The following PLPP7 variants were observed in gnomAD, a reference collection of about 807,000 sequenced individuals.
PLPP7 encodes inactive phospholipid phosphatase 7.
Under a neutral mutation model 16.9 loss-of-function variants are expected in PLPP7, and 11 were observed. The ratio of observed to expected loss-of-function variants is 0.65; its 90% CI spans 0.41 to 1.08. The LOEUF (loss-of-function observed/expected upper bound fraction) is 1.08. PLPP7 is among the 50% of genes least tolerant of loss of function. The pLI is 0.00. For synonymous variants in PLPP7, 174 were observed against 175.1 expected (o/e 0.99, Z 0.05); for missense variants, 358 against 397.1 (o/e 0.90, Z 0.84).
Position 131,308,051 on chromosome 9 carries a change from G to T in PLPP7, c.580G>T (p.Ala194Ser). The T allele has an allele frequency of 6.2e-7, 1 of 1,601,036 alleles. No homozygotes were observed. The highest frequency in any genetic ancestry group is 8.5e-7 in the Non-Finnish European group (1 of 1,179,834). ...CATCTACGCCTTCCCGGCCGGGCAC[G>T]CCAGCCGCGCCGCCATGGTGTCCAA... ...MDIYAFPAGH[A>S]SRAAMVSKFF... Residue 194 changes from alanine to serine, a missense_variant, in exon 2 of 2, where the codon GCC becomes TCC. Ala to Ser is a moderately conservative substitution (Grantham distance 99). Coordinates refer to ENST00000372264, the MANE Select transcript of PLPP7 (RefSeq NM_032728.4).
chr9:131,292,035 CAG>C (rs1277770501), intron 1 of PLPP7, among the ~76,000 whole-genome samples: 1 of 152,238 alleles, frequency 6.6e-6, no homozygotes, highest in Non-Finnish European at 1.5e-5. Flanking sequence ...GGCCCAGCCT[CAG>C]GGCTTGAGAT....
intron 1 of PLPP7, chr9:131,291,160 G>T: frequency 7.3e-7 from 1 of 1,366,422 alleles, no homozygotes. Flanking sequence ...GTGGAGGCAA[G>T]CCATTCCCTC....
rs927712913 is a variant in PLPP7 at position 131,289,900 on chromosome 9, G to A, written c.-98G>A. The A allele has an allele frequency of 3.0e-6, 3 of 1,002,684 alleles. No individual in the cohort carries two copies. The highest frequency in any genetic ancestry group is 3.4e-5 in the African/African-American group (2 of 59,636). 62.1% of individuals were successfully genotyped at this position (1,002,684 alleles called of 1,614,324 possible). A position where few individuals can be genotyped will look rare whatever the true frequency, so the allele number is the denominator to read the frequency against. ...CAGCTGCGGCGGAGAAGGCAGGGAG[G>A]CAGCCACGGTGGCGGCTCTGGGGGC... On this transcript the variant is annotated 5_prime_UTR_variant, in exon 1 of 2. Transcript: ENST00000372264.
At chr9:131,297,229 A>G (rs1209195671) in intron 1 of PLPP7, among the ~76,000 whole-genome samples, 1 of 152,244 alleles carries the variant, frequency 6.6e-6, no homozygotes, top group Non-Finnish European at 1.5e-5. Context: ...CCACCAGCAC[A>G]GCTAGTGATT....
chr9:131,305,186 G>A (rs1383235417), intron 1 of PLPP7, among the ~76,000 whole-genome samples: 1 of 152,188 alleles, frequency 6.6e-6, no homozygotes, highest in Non-Finnish European at 1.5e-5. Context: ...TTGCACACAC[G>A]TGCATAGCAG....
intron 1 of PLPP7, among the ~76,000 whole-genome samples, chr9:131,294,293 GGTT>G (rs1371466509): frequency 6.6e-6 from 1 of 152,180 alleles, no homozygotes; most frequent in Non-Finnish European, 1.5e-5. Flanking sequence ...CTGTCAGGTG[GGTT>G]GTTGGGAAAT....
intron 1 of PLPP7, among the ~76,000 whole-genome samples, chr9:131,305,840 G>T (rs1835846210): frequency 1.3e-5 from 2 of 152,046 alleles, no homozygotes; most frequent in African/African-American, 2.4e-5. Flanking sequence ...TGTTGCCCAG[G>T]CTAGTCTCGG....
chr9:131,298,123 C>G (rs558206063), intron 1 of PLPP7, among the ~76,000 whole-genome samples: 1 of 152,088 alleles, frequency 6.6e-6, no homozygotes. Context: ...GTGAACATCC[C>G]GGGCCATGAA....
At chr9:131,294,848 G>A (rs946139374) in intron 1 of PLPP7, among the ~76,000 whole-genome samples, 2 of 151,672 alleles carry the variant, frequency 1.3e-5, no homozygotes, top group South Asian at 4.2e-4. Flanking sequence ...CACCCACCTC[G>A]GCCTCCCAAA....
Position 131,308,743 on chromosome 9 carries a change from CA to C in PLPP7, c.*457del, listed in dbSNP as rs1246124577. 2.4e-5 allele frequency: 4 copies of C among 164,562 alleles called. No homozygotes were observed. Among genetic ancestry groups the C allele is most frequent in the African/African-American group, 9.6e-5 (4 of 41,738 alleles). 10.2% of individuals were successfully genotyped at this position (164,562 alleles called of 1,614,324 possible). ...TGCCATTGCCATTAGCGGTCATCGA[CA>C]GCTTAGGGCAGCACTTTCCAACGGG... On this transcript the variant is annotated 3_prime_UTR_variant, in exon 2 of 2. Coordinates refer to ENST00000372264, the MANE Select transcript of PLPP7 (RefSeq NM_032728.4).
chr9:131,301,813 CTTTTTTTTTTT>C (rs59151233), intron 1 of PLPP7, among the ~76,000 whole-genome samples: 1 of 114,764 alleles, frequency 8.7e-6, no homozygotes. Flanking sequence ...GGAACTTGTT[CTTTTTTTTTTT>C]TTTTTTTTTT....
At chr9:131,307,864 A>G (rs1440575793) in intron 1 of PLPP7, 59 bp from the exon 2 acceptor site, 2 of 1,486,838 alleles carry the variant, frequency 1.3e-6, no homozygotes, top group Admixed American at 2.3e-5. Flanking sequence ...GTGGGGGGCC[A>G]GGGCCTGGGC....
chr9:131,299,191 C>T (rs185480730), intron 1 of PLPP7, among the ~76,000 whole-genome samples: 58 of 133,004 alleles, frequency 4.4e-4, no homozygotes, highest in South Asian at 5.3e-4. Context: ...AGCCTGAGTG[C>T]GCCCTGGGTG....
rs571463117 is a variant in PLPP7, at chr9:131,290,576, G to T, written c.451+128G>T. ...GGCTGGGATGGTCTAATGAGGTTAG[G>T]CAGGAAGGGTGCCCCAGAAACAGGC... On this transcript the variant is annotated intron_variant, in intron 1 of 1. Coordinates refer to ENST00000372264, the MANE Select transcript of PLPP7 (RefSeq NM_032728.4). The surrounding 1 kb of genome is among the most constrained non-coding windows in gnomAD (Gnocchi z 4.2). The T allele has an allele frequency of 9.9e-4, 881 of 887,438 alleles. 1 individual carries two copies. The highest frequency in any genetic ancestry group is 9.1e-4 in the Non-Finnish European group (567 of 624,800). 55.0% of individuals were successfully genotyped at this position (887,438 alleles called of 1,614,324 possible). A position where few individuals can be genotyped will look rare whatever the true frequency, so the allele number is the denominator to read the frequency against.
At chr9:131,291,023 C>T in intron 1 of PLPP7, 3 of 1,349,568 alleles carry the variant, frequency 2.2e-6, no homozygotes, top group Non-Finnish European at 3.0e-6. Context: ...TTCCCTGCTC[C>T]TTCCCAGGGG....
Position 131,290,504 on chromosome 9 carries a change from C to T in PLPP7, c.451+56C>T. On this transcript the variant is annotated intron_variant, in intron 1 of 1. Transcript: ENST00000372264. This position sits in a 1 kb window ranked among gnomAD's most constrained non-coding sequence, Gnocchi z 4.2. Reference sequence around the variant, plus strand: ...TCAGGCCCCTCGGGAGGCAGCCTGGCCTGCCCAACCCCACCCTGGCCGGGA... The same window carrying T: ...TCAGGCCCCTCGGGAGGCAGCCTGGTCTGCCCAACCCCACCCTGGCCGGGA... The T allele has an allele frequency of 1.4e-6, 2 of 1,450,620 alleles. No homozygotes were observed. Among genetic ancestry groups the T allele is most frequent in the Non-Finnish European group, 1.8e-6 (2 of 1,098,724 alleles). The allele number at this position is 1,450,620 out of a possible 1,614,324, so 89.9% of individuals were successfully genotyped here. A position where few individuals can be genotyped will look rare whatever the true frequency, so the allele number is the denominator to read the frequency against.
chr9:131,299,046 A>C (rs914246438), intron 1 of PLPP7, among the ~76,000 whole-genome samples: 18 of 152,288 alleles, frequency 1.2e-4, no homozygotes, highest in African/African-American at 3.9e-4. Flanking sequence ...TCCATTACCA[A>C]GTGTCTGCTA....
intron 1 of PLPP7, among the ~76,000 whole-genome samples, chr9:131,293,878 C>T (rs1260863506): frequency 6.6e-6 from 1 of 152,166 alleles, no homozygotes; most frequent in Non-Finnish European, 1.5e-5. Context: ...TAGCCCTGCC[C>T]ACCCGCTCTG....
intron 1 of PLPP7, chr9:131,293,129 A>G (rs1279173763): frequency 3.9e-6 from 1 of 259,080 alleles, no homozygotes; most frequent in African/African-American, 2.3e-5. Context: ...AGGCTCAGAA[A>G]GCTCAAGCAA....
Sources: gnomAD v4.1 joint callset for allele counts (sites outside exome capture counted in the v4.1 genomes callset) on GRCh38, gnomAD v4.1.1 for gene constraint, Gnocchi (gnomAD v3.1) non-coding constraint, MANE v1.5 for transcripts, NCBI Gene and HGNC (gene_info 2026-07-23, HGNC 2026-07-21) for gene names.